Variants in FLT1 observed in about 807,000 individuals in gnomAD.
The protein encoded by FLT1 is fms related receptor tyrosine kinase 1, also known as vascular endothelial growth factor receptor 1.
FLT1 carries 49 observed loss-of-function variants against 156.3 expected under a neutral mutation model. That is an observed-to-expected ratio of 0.31 (90% CI 0.25 to 0.40). FLT1 has a LOEUF of 0.40. Ranked by LOEUF, FLT1 falls within the 10% of genes least tolerant of loss-of-function variation. The pLI, the probability that FLT1 is intolerant of heterozygous loss-of-function variation, is 1.00. For synonymous variants in FLT1, 594 were observed against 583.8 expected (o/e 1.02, Z -0.25); for missense variants, 1,322 against 1,637.2 (o/e 0.81, Z 3.32).
chr13:28,412,703 G>A (rs1045611192), intron 10 of FLT1, among the ~76,000 whole-genome samples: 2 of 149,012 alleles, frequency 1.3e-5, no homozygotes, highest in Non-Finnish European at 3.0e-5. Flanking sequence ...TTACAGGAGT[G>A]AGGCAACATC....
intron 13 of FLT1, chr13:28,386,531 A>G (rs3088111): frequency 0.031 from 32,943 of 1,051,726 alleles, 586 homozygotes; most frequent in Non-Finnish European, 0.035. Flanking sequence ...AGAATGAATG[A>G]TAGCAATGAT....
Position 28,308,112 on chromosome 13 carries a change from C to G in FLT1, c.3720+731G>C, listed in dbSNP as rs543673209. Among the ~76,000 whole-genome samples the G allele has an allele frequency of 1.2e-4, 18 of 152,290 alleles. 2 individuals are homozygous for G. The South Asian group carries it at 3.5e-3, about 30-fold the overall frequency. On this transcript the variant is annotated intron_variant, in intron 28 of 29. Transcript: ENST00000282397. ...AAACATTAATGTGTGCAGGAATCCC[C>G]TAGGGATCTTGCCAAGGTGCAGCCT... is the stretch of plus-strand genomic sequence containing the variant.
chr13:28,352,521 A>T (rs1430939539), intron 15 of FLT1, among the ~76,000 whole-genome samples: 1 of 152,070 alleles, frequency 6.6e-6, no homozygotes, highest in Non-Finnish European at 1.5e-5. Flanking sequence ...TGCCTCAAGA[A>T]CTCTCTACAA....
chr13:28,339,695 G>A (rs911634786), intron 16 of FLT1, among the ~76,000 whole-genome samples: 3 of 152,228 alleles, frequency 2.0e-5, no homozygotes, highest in Admixed American at 6.5e-5. Flanking sequence ...GTATAAGCAG[G>A]AATATATATT....
intron 15 of FLT1, 86 bp downstream of exon 15, chr13:28,357,468 G>T: frequency 7.4e-7 from 1 of 1,352,490 alleles, no homozygotes; most frequent in Non-Finnish European, 1.1e-6. Flanking sequence ...GGAGCAGGCA[G>T]CAGGAGACTG....
At chr13:28,392,218 C>T (rs555808533) in intron 12 of FLT1, among the ~76,000 whole-genome samples, 2 of 152,280 alleles carry the variant, frequency 1.3e-5, no homozygotes, top group South Asian at 4.2e-4. Context: ...CTTACGAAGC[C>T]GTCAGTGGCT....
chr13:28,413,091 C>G (rs1030184877), intron 10 of FLT1, among the ~76,000 whole-genome samples: 1 of 151,978 alleles, frequency 6.6e-6, no homozygotes, highest in Admixed American at 6.6e-5. Flanking sequence ...AAAATTACTT[C>G]TTGCCTCAAT....
chr13:28,353,942 G>C (rs577063968), intron 15 of FLT1, among the ~76,000 whole-genome samples: 3 of 152,322 alleles, frequency 2.0e-5, no homozygotes, highest in East Asian at 1.9e-4. Context: ...AAAAAGAGCA[G>C]ACAGTTTCCT....
chr13:28,368,186 T>G (rs990382872), intron 14 of FLT1: 6 of 405,150 alleles, frequency 1.5e-5, no homozygotes, highest in Non-Finnish European at 2.1e-5. Context: ...GGAGTTTCGC[T>G]CTTGTTGCCC....
chr13:28,440,668 T>C (rs546333164), intron 3 of FLT1, among the ~76,000 whole-genome samples: 6 of 152,262 alleles, frequency 3.9e-5, no homozygotes, highest in African/African-American at 1.4e-4. Flanking sequence ...CCTCAAAGCC[T>C]GGGTTTAATC....
intron 12 of FLT1, among the ~76,000 whole-genome samples, chr13:28,394,728 G>A (rs758864335): frequency 6.6e-6 from 1 of 152,154 alleles, no homozygotes; most frequent in Non-Finnish European, 1.5e-5. Context: ...TTCCCACAAT[G>A]TGAAGAGTTT....
intron 3 of FLT1, among the ~76,000 whole-genome samples, chr13:28,443,311 G>A (rs1878434837): frequency 6.6e-6 from 1 of 152,180 alleles, no homozygotes; most frequent in Non-Finnish European, 1.5e-5. Flanking sequence ...TTTTAAATGT[G>A]TTTTTTCCTT....
intron 12 of FLT1, among the ~76,000 whole-genome samples, chr13:28,394,479 C>T (rs1316807889): frequency 6.6e-6 from 1 of 152,138 alleles, no homozygotes; most frequent in Non-Finnish European, 1.5e-5. Context: ...CCTTTATCAA[C>T]TTGGGCCCTT....
At position 28,388,308 on chromosome 13, in the gene FLT1, A is replaced by G. The variant is rs191321660; in HGVS notation, c.1969+1488T>C. ...GACAAAAGCAATTCCCACGTGAAAG[A>G]CAAGTTTAGCCGTGGGACAGAATCT... On this transcript the variant is annotated intron_variant, in intron 13 of 29. Coordinates refer to ENST00000282397, the MANE Select transcript of FLT1 (RefSeq NM_002019.4). 48 of 1,058,548 alleles carry G rather than the reference A, an allele frequency of 4.5e-5. No individual in the cohort carries two copies. The Admixed American group carries it at 1.5e-3, about 32-fold the overall frequency. 65.6% of individuals were successfully genotyped at this position (1,058,548 alleles called of 1,614,324 possible). A position where few individuals can be genotyped will look rare whatever the true frequency, so the allele number is the denominator to read the frequency against.
At chr13:28,319,682 T>C (rs1217260796) in intron 23 of FLT1, 148 bp from the exon 24 acceptor site, 5 of 663,792 alleles carry the variant, frequency 7.5e-6, no homozygotes, top group Non-Finnish European at 1.4e-5. Context: ...GAGAACACCA[T>C]AGTATGCAGT....
At chr13:28,470,977 C>T (rs547105486) in intron 1 of FLT1, among the ~76,000 whole-genome samples, 170 of 152,282 alleles carry the variant, frequency 1.1e-3, no homozygotes, top group Non-Finnish European at 1.6e-3. Flanking sequence ...AGACGTGAGC[C>T]ACCGCGCCGC....
Position 28,390,067 on chromosome 13 carries a change from C to T in FLT1, c.1698G>A (p.Met566Ile). The change falls in exon 13 of 30, where the codon ATG (methionine) becomes ATA (isoleucine). Residue 566 changes from methionine (M) to isoleucine (I), a missense_variant. Transcript: ENST00000282397. ...GTTTCAGGTCCTCTCCTTCCGTCGG[C>T]ATTTTTTCCAAGTTAACATGAAACC... is the stretch of plus-strand genomic sequence containing the variant. ...PNGFHVNLEK[M>I]PTEGEDLKLS... The T allele has an allele frequency of 6.2e-7, 1 of 1,614,154 alleles. No individual in the cohort carries two copies.
Position 28,384,874 on chromosome 13 carries a change from A to G in FLT1, c.2116+11T>C. 1 of 1,613,632 alleles carries G rather than the reference A, an allele frequency of 6.2e-7. No homozygotes were observed. The highest frequency in any genetic ancestry group is 8.5e-7 in the Non-Finnish European group (1 of 1,179,556). On this transcript the variant is annotated intron_variant, in intron 14 of 29. Transcript: ENST00000282397. ...GAGAAATAATAAATGGAAGAAAAAA[A>G]AGTCTCTTACCAGGCTCTTGTTGTA...
intron 10 of FLT1, among the ~76,000 whole-genome samples, chr13:28,424,751 A>G (rs1256208383): frequency 1.3e-5 from 2 of 152,196 alleles, no homozygotes; most frequent in African/African-American, 4.8e-5. Context: ...TTTGAGAGTA[A>G]TGTGCATATA....
Sources: gnomAD v4.1 joint callset for allele counts (sites outside exome capture counted in the v4.1 genomes callset) on GRCh38, gnomAD v4.1.1 for gene constraint, MANE v1.5 for transcripts, NCBI Gene and HGNC (gene_info 2026-07-23, HGNC 2026-07-21) for gene names.